The following CFAP77 variants were observed in gnomAD, a reference collection of about 807,000 sequenced individuals.
CFAP77 encodes cilia and flagella associated protein 77.
Under a neutral mutation model 31.1 loss-of-function variants are expected in CFAP77, and 25 were observed. The ratio of observed to expected loss-of-function variants is 0.80; its 90% confidence interval spans 0.59 to 1.12. The LOEUF (loss-of-function observed/expected upper bound fraction) is 1.12. Among genes scored for constraint, CFAP77 ranks in the 50% most tolerant of loss-of-function variants. The pLI, the probability that CFAP77 is intolerant of heterozygous loss-of-function variation, is 0.00. For missense variants in CFAP77, 377 were observed against 397.3 expected, an observed-to-expected ratio of 0.95 and a Z score of 0.44; for synonymous variants, 151 against 159.9, an observed-to-expected ratio of 0.94 and a Z score of 0.42.
chr9:132,528,442 G>T (rs372332414), intron 3 of CFAP77, among the ~76,000 whole-genome samples: 1 of 148,468 alleles, frequency 6.7e-6, no homozygotes, highest in African/African-American at 2.4e-5. Flanking sequence ...GGACATAGGC[G>T]TGGGCAAGGT....
chr9:132,475,956 G>A lies in CFAP77; in HGVS notation c.196-22739G>A, dbSNP rs375087726. ...AGCCTGGCCCCATGACTCACCTTCC[G>A]TCTGGTCTGCTGGATCATTTGCCGC... On this transcript the variant is annotated intron_variant, in intron 1 of 5. Coordinates refer to ENST00000393216, the MANE Select transcript of CFAP77 (RefSeq NM_001282957.2). 1.2e-4 allele frequency among the ~76,000 whole-genome samples: 19 copies of A among 152,306 alleles called. No homozygotes were observed. The South Asian group carries it at 3.3e-3, about 27-fold the overall frequency.
At chr9:132,443,264 T>G (rs1850648873) in intron 1 of CFAP77, among the ~76,000 whole-genome samples, 1 of 151,836 alleles carries the variant, frequency 6.6e-6, no homozygotes, top group African/African-American at 2.4e-5. Flanking sequence ...TTTGTTTTTT[T>G]TTTTTTGAGA....
At chr9:132,515,790 G>A (rs1852134756) in intron 3 of CFAP77, among the ~76,000 whole-genome samples, 1 of 152,188 alleles carries the variant, frequency 6.6e-6, no homozygotes, top group Non-Finnish European at 1.5e-5. Context: ...TTTCCATGGT[G>A]AGGAACTTTG....
intron 3 of CFAP77, among the ~76,000 whole-genome samples, chr9:132,537,338 A>G (rs916916693): frequency 6.6e-5 from 10 of 152,142 alleles, no homozygotes; most frequent in Admixed American, 2.6e-4. Flanking sequence ...GATGAGTCCT[A>G]GTGAGAAAGA....
In CFAP77 at chr9:132,410,461, G is replaced by A. The variant is rs139723242; in HGVS notation, c.190G>A (p.Val64Ile). The A allele has an allele frequency of 1.1e-5, 17 of 1,580,658 alleles. No homozygotes were observed. Among genetic ancestry groups the A allele is most frequent in the Admixed American group, 1.8e-5 (1 of 56,804 alleles). ...RDSMFQNPLI[V>I]KAELGKPRER... is the part of the protein sequence containing the mutation. ...CTCCATGTTTCAGAACCCTCTCATC[G>A]TCAAGGTGAGCACCCCACGCCCACC... The change falls in exon 1 of 6, where the codon GTC (valine) becomes ATC (isoleucine). Residue 64 changes from valine (V) to isoleucine (I), a missense_variant. Transcript: ENST00000393216.
chr9:132,436,225 C>T (rs1301628512), intron 1 of CFAP77, among the ~76,000 whole-genome samples: 2 of 152,180 alleles, frequency 1.3e-5, no homozygotes, highest in African/African-American at 4.8e-5. Context: ...TTCCTGGCCT[C>T]TCCCAGTTTC....
intron 5 of CFAP77, among the ~76,000 whole-genome samples, chr9:132,546,426 G>A (rs1018224606): frequency 6.6e-6 from 1 of 151,970 alleles, no homozygotes; most frequent in East Asian, 1.9e-4. Context: ...GAAAAGTTGA[G>A]CCTGTCACGG....
intron 3 of CFAP77, among the ~76,000 whole-genome samples, chr9:132,507,880 A>C (rs1319418903): frequency 6.6e-6 from 1 of 152,170 alleles, no homozygotes; most frequent in East Asian, 1.9e-4. Context: ...CGGGCCTCAG[A>C]GAGGGCCTGA....
intron 1 of CFAP77, among the ~76,000 whole-genome samples, chr9:132,445,451 T>G (rs1049784047): frequency 3.9e-5 from 6 of 152,236 alleles, no homozygotes; most frequent in African/African-American, 1.4e-4. Flanking sequence ...TTCCACTGTA[T>G]GGATAGACCA....
chr9:132,463,577 G>T (rs761323921), intron 1 of CFAP77, among the ~76,000 whole-genome samples: 3 of 152,194 alleles, frequency 2.0e-5, no homozygotes, highest in Non-Finnish European at 4.4e-5. Flanking sequence ...AGAGGAGGGA[G>T]CCTGGCCCCG....
chr9:132,410,654 C>G (rs1445123561), intron 1 of CFAP77, among the ~76,000 whole-genome samples, 188 bp downstream of exon 1: 1 of 152,182 alleles, frequency 6.6e-6, no homozygotes, highest in Non-Finnish European at 1.5e-5. Flanking sequence ...GCCTCGGTTT[C>G]CCCATCCTCA....
At chr9:132,567,582 T>C (rs1829900007) in intron 5 of CFAP77, among the ~76,000 whole-genome samples, 1 of 152,186 alleles carries the variant, frequency 6.6e-6, no homozygotes, top group Non-Finnish European at 1.5e-5. Flanking sequence ...GCATGCTGAT[T>C]TGCCCAGGGA....
rs1314154538 is a variant in CFAP77 at position 132,545,456 on chromosome 9, C to T, written c.732+2409C>T. On this transcript the variant is annotated intron_variant, in intron 5 of 5. Transcript: ENST00000393216. The surrounding 1 kb of genome is among the most constrained non-coding windows in gnomAD (Gnocchi z 4.6). The stretch of plus-strand genomic sequence containing the variant: ...TAAAACTCATGAGAAAGAAAATCAA[C>T]ATGCAAGCCACAGCATATACTGAGT... Among the ~76,000 whole-genome samples, 1 of 152,098 alleles carries T rather than the reference C, an allele frequency of 6.6e-6. No homozygotes were observed. Among genetic ancestry groups the T allele is most frequent in the Non-Finnish European group, 1.5e-5 (1 of 68,028 alleles).
rs866648193 is a variant in CFAP77, at chr9:132,539,953, C to T, written c.630+2247C>T. On this transcript the variant is annotated intron_variant, in intron 4 of 5. Transcript: ENST00000393216. The surrounding 1 kb of genome is among the most constrained non-coding windows in gnomAD (Gnocchi z 4.3). ...TGTTTTTGTTTGTTTGTTTTTGAGA[C>T]GGAGTTTTGCTCTTGTTGCCCAGGC... Among the ~76,000 whole-genome samples the T allele has an allele frequency of 8.6e-5, 13 of 151,806 alleles. No individual in the cohort carries two copies. In the East Asian group the frequency reaches 1.4e-3, roughly 16 times the overall value.
intron 5 of CFAP77, among the ~76,000 whole-genome samples, chr9:132,566,040 G>A (rs1055897588): frequency 1.3e-5 from 2 of 152,210 alleles, no homozygotes; most frequent in African/African-American, 4.8e-5. Context: ...TAATTTAGAA[G>A]CATCTCAGAA....
At chr9:132,572,351 C>T (rs774256072) in intron 5 of CFAP77, 37 bp from the exon 6 acceptor site, 2 of 1,602,162 alleles carry the variant, frequency 1.2e-6, no homozygotes, top group Non-Finnish European at 1.7e-6. Flanking sequence ...ACACTGAAGT[C>T]TCCCCTCACC....
intron 1 of CFAP77, among the ~76,000 whole-genome samples, chr9:132,488,337 A>G (rs1851597090): frequency 6.6e-6 from 1 of 152,322 alleles, no homozygotes; most frequent in East Asian, 1.9e-4. Flanking sequence ...GTTCAAGGCT[A>G]TCTCAGCAAC....
At chr9:132,571,026 C>A (rs1424356228) in intron 5 of CFAP77, among the ~76,000 whole-genome samples, 1 of 152,132 alleles carries the variant, frequency 6.6e-6, no homozygotes, top group Non-Finnish European at 1.5e-5. Context: ...TCCCTCTACC[C>A]CCTTTTAATA....
intron 1 of CFAP77, among the ~76,000 whole-genome samples, chr9:132,465,000 G>A (rs1420157620): frequency 6.6e-6 from 1 of 151,292 alleles, no homozygotes; most frequent in African/African-American, 2.4e-5. Flanking sequence ...CTTGAACCTG[G>A]GAGGTGGAGG....
Sources: allele counts gnomAD v4.1 joint callset (sites outside exome capture counted in the v4.1 genomes callset), GRCh38; gene constraint gnomAD v4.1.1; non-coding constraint Gnocchi (gnomAD v3.1); transcripts MANE v1.5; gene names NCBI Gene and HGNC (gene_info 2026-07-23, HGNC 2026-07-21).